EYS: variants seen among roughly 807,000 people sequenced by gnomAD.
The protein encoded by EYS is EGF-like photoreceptor maintenance factor.
EYS carries 250 observed loss-of-function variants against 282.1 expected under a neutral mutation model. The observed-to-expected ratio is 0.89, with a 90% CI of 0.80 to 0.98. EYS has a LOEUF of 0.98. Ranked by LOEUF, EYS falls within the 50% of genes least tolerant of loss-of-function variation. The pLI, the probability that EYS is intolerant of heterozygous loss-of-function variation, is 0.00. For missense variants in EYS, 4,016 were observed against 3,709.0 expected (o/e 1.08, Z -2.15); for synonymous variants, 1,355 against 1,282.9 (o/e 1.06, Z -1.20).
chr6:64,879,587 C>CA (rs66986673), intron 19 of EYS, among the ~76,000 whole-genome samples: 23,476 of 151,838 alleles, frequency 0.15, 2,127 homozygotes, highest in East Asian at 0.49. Flanking sequence ...GTAAGATAGA[C>CA]AGTTTTGGGG....
chr6:64,316,468 T>C (rs1769970528), intron 29 of EYS, among the ~76,000 whole-genome samples: 1 of 152,050 alleles, frequency 6.6e-6, no homozygotes. Flanking sequence ...TCACAGTTGC[T>C]ACAAAGAGAA....
chr6:64,186,832 T>G (rs1562243759), intron 31 of EYS, among the ~76,000 whole-genome samples: 1 of 152,158 alleles, frequency 6.6e-6, no homozygotes, highest in Non-Finnish European at 1.5e-5. Context: ...CTGAGTTATG[T>G]TTTAAAACTG....
Position 64,591,251 on chromosome 6 carries a change from G to A in EYS, c.4616C>T (p.Thr1539Ile), listed in dbSNP as rs752257149. 5 of 1,551,426 alleles carry A rather than the reference G, an allele frequency of 3.2e-6. No homozygotes were observed. In the African/African-American group the frequency reaches 4.1e-5, roughly 13 times the overall value. ...ATCAGCAGCCTGTGATTTGATGTTT[G>A]TGAGTCTCTGGTTGCTTGAAGCCTC... ...ITEASSNQRLTNIKSQAADSL... is the reference protein window; with the variant it reads ...ITEASSNQRLINIKSQAADSL... The change falls in exon 26 of 43, where the codon ACA becomes ATA. Residue 1539 changes from threonine (T) to isoleucine (I), a missense_variant. Thr to Ile is a moderately conservative substitution (Grantham distance 89). Coordinates refer to ENST00000503581, the MANE Select transcript of EYS (RefSeq NM_001142800.2).
intron 35 of EYS, among the ~76,000 whole-genome samples, chr6:63,917,934 A>G (rs1764467936): frequency 6.6e-6 from 1 of 152,222 alleles, no homozygotes; most frequent in African/African-American, 2.4e-5. Flanking sequence ...GGTACTATTC[A>G]GATAAGAGTC....
intron 12 of EYS, among the ~76,000 whole-genome samples, chr6:65,138,345 G>C (rs192436227): frequency 1.6e-4 from 24 of 151,896 alleles, no homozygotes; most frequent in Admixed American, 1.3e-3. Flanking sequence ...TACTTTTTTT[G>C]GAAGCCCAGT....
chr6:65,627,579 G>T (rs1410155934), intron 2 of EYS, among the ~76,000 whole-genome samples: 1 of 152,132 alleles, frequency 6.6e-6, no homozygotes, highest in Non-Finnish European at 1.5e-5. Context: ...GGGCCAGCTG[G>T]AGTTCCGGGT....
intron 22 of EYS, among the ~76,000 whole-genome samples, chr6:64,642,515 A>G (rs967616156): frequency 1.2e-4 from 18 of 152,190 alleles, no homozygotes; most frequent in African/African-American, 3.6e-4. Flanking sequence ...GATATGACAT[A>G]GCCCTTTCTG....
At chr6:65,444,106 A>G (rs565929680) in intron 5 of EYS, among the ~76,000 whole-genome samples, 1 of 152,126 alleles carries the variant, frequency 6.6e-6, no homozygotes, top group Non-Finnish European at 1.5e-5. Context: ...TTATATGCAT[A>G]TTACTGAAAA....
At chr6:64,429,113 C>T (rs918771759) in intron 28 of EYS, among the ~76,000 whole-genome samples, 15 of 152,072 alleles carry the variant, frequency 9.9e-5, no homozygotes, top group Admixed American at 3.9e-4. Context: ...GTTAAATGGA[C>T]GTATCAAGTA....
intron 16 of EYS, among the ~76,000 whole-genome samples, chr6:64,911,943 G>A (rs1768007604): frequency 6.6e-6 from 1 of 152,100 alleles, no homozygotes; most frequent in Admixed American, 6.6e-5. Context: ...AGATACGGCT[G>A]GATCCAGGAG....
chr6:64,100,549 A>G (rs184837515), intron 31 of EYS, among the ~76,000 whole-genome samples: 167 of 151,716 alleles, frequency 1.1e-3, no homozygotes, highest in Non-Finnish European at 1.8e-3. Flanking sequence ...TTTAGCTGGT[A>G]TTCCCTTTTT....
rs117952795 is a variant in EYS, at chr6:64,618,953, C to T, written c.3569-1420G>A. ...AAAACATATTGCATAAAAATACACC[C>T]TGATAAATGCTCTTATAAAATTCGA... On this transcript the variant is annotated intron_variant, in intron 23 of 42. Transcript: ENST00000503581. Among the ~76,000 whole-genome samples, 112 of 152,298 alleles carry T rather than the reference C, an allele frequency of 7.4e-4. 2 individuals are homozygous for T. In the East Asian group the frequency reaches 0.02, roughly 27 times the overall value.
At chr6:65,028,983 T>C (rs1420441055) in intron 13 of EYS, among the ~76,000 whole-genome samples, 1 of 152,162 alleles carries the variant, frequency 6.6e-6, no homozygotes, top group Non-Finnish European at 1.5e-5. Context: ...TCATCAGTTA[T>C]TATATTATTC....
At chr6:64,459,736 T>C (rs1268595601) in intron 26 of EYS, among the ~76,000 whole-genome samples, 2 of 152,184 alleles carry the variant, frequency 1.3e-5, no homozygotes, top group South Asian at 2.1e-4. Flanking sequence ...CACTTTCTTC[T>C]GCCTGATTTA....
intron 22 of EYS, among the ~76,000 whole-genome samples, chr6:64,694,481 T>C (rs1484170439): frequency 2.6e-5 from 4 of 152,106 alleles, no homozygotes; most frequent in Admixed American, 2.0e-4. Flanking sequence ...CGGTCTGACC[T>C]GGGGAGCAAT....
At position 65,203,348 on chromosome 6, in the gene EYS, A is replaced by G. The variant is rs73741268; in HGVS notation, c.2023+92515T>C. On this transcript the variant is annotated intron_variant, in intron 12 of 42. Coordinates refer to ENST00000503581, the MANE Select transcript of EYS (RefSeq NM_001142800.2). ...GCTAGGGAACTAGATATGCAACCCA[A>G]GCCCTGTACCTCACCATCTCTGTAG... is the stretch of plus-strand genomic sequence containing the variant. 9.2e-3 allele frequency among the ~76,000 whole-genome samples: 1,398 copies of G among 152,250 alleles called. 20 individuals carry two copies. Among genetic ancestry groups the G allele is most frequent in the African/African-American group, 0.031 (1,292 of 41,556 alleles).
At chr6:64,031,787 G>A (rs1769856313) in intron 33 of EYS, among the ~76,000 whole-genome samples, 1 of 152,250 alleles carries the variant, frequency 6.6e-6, no homozygotes, top group South Asian at 2.1e-4. Flanking sequence ...GAGAACATCT[G>A]TGTCTAGCTC....
chr6:64,631,390 C>T (rs929291681), intron 22 of EYS: 1 of 152,136 alleles, frequency 6.6e-6, no homozygotes, highest in African/African-American at 2.4e-5. Context: ...GTTTGGATAA[C>T]CACCTGGCCT....
chr6:64,280,197 G>A (rs1411198167), intron 30 of EYS, among the ~76,000 whole-genome samples: 2 of 152,046 alleles, frequency 1.3e-5, no homozygotes, highest in African/African-American at 2.4e-5. Context: ...GAATGTATAT[G>A]TCATTATAGA....
Sources: gnomAD v4.1 joint callset for allele counts (sites outside exome capture counted in the v4.1 genomes callset) on GRCh38, gnomAD v4.1.1 for gene constraint, MANE v1.5 for transcripts, NCBI Gene and HGNC (gene_info 2026-07-23, HGNC 2026-07-21) for gene names.